WDFY4: variants seen among roughly 807,000 people sequenced by gnomAD.
WDFY4 encodes the protein WD repeat- and FYVE domain-containing protein 4.
WDFY4 carries 169 observed loss-of-function variants against 351.9 expected under a neutral mutation model. That is an observed-to-expected ratio of 0.48 (90% CI 0.42 to 0.55). WDFY4 has a LOEUF of 0.55. Ranked by LOEUF, WDFY4 falls within the 20% of genes least tolerant of loss-of-function variation. The pLI, the probability that WDFY4 is intolerant of heterozygous loss-of-function variation, is 0.00. For synonymous variants in WDFY4, 1,622 were observed against 1,574.6 expected, an observed-to-expected ratio of 1.03 and a Z score of -0.71; for missense variants, 3,803 against 3,935.6, an observed-to-expected ratio of 0.97 and a Z score of 0.90.
At chr10:48,909,909 T>A in intron 47 of WDFY4, 1 of 303,926 alleles carries the variant, frequency 3.3e-6, no homozygotes, top group South Asian at 5.3e-5. Context: ...CTGAGTGAAA[T>A]GTAGAGGCAG....
At chr10:48,790,663 G>A (rs556418884) in intron 22 of WDFY4, 64 bp from the exon 23 acceptor site, 14 of 1,512,946 alleles carry the variant, frequency 9.3e-6, no homozygotes, top group Admixed American at 6.1e-5. Flanking sequence ...CTGTGCTGTC[G>A]GGGAATTTCC....
chr10:48,971,731 A>AT (rs1442315078), intron 57 of WDFY4, among the ~76,000 whole-genome samples: 2 of 152,162 alleles, frequency 1.3e-5, no homozygotes, highest in Admixed American at 1.3e-4. Context: ...GAAGGAATGA[A>AT]TAGGGCAGTG....
At chr10:48,776,122 C>T (rs1432084311) in intron 15 of WDFY4, among the ~76,000 whole-genome samples, 1 of 152,126 alleles carries the variant, frequency 6.6e-6, no homozygotes, top group Non-Finnish European at 1.5e-5. Flanking sequence ...CAGAGGTGTG[C>T]AGGGAAGGCT....
chr10:48,810,652 C>T lies in WDFY4; in HGVS notation c.4961C>T (p.Pro1654Leu). ...LKLLLYFLAS[P>L]SLRTRFRDGL... The stretch of plus-strand genomic sequence containing the variant: ...CTGCTGCTGTACTTTCTGGCAAGCC[C>T]CTCCCTCCGCACACGGTTTAGAGAT... Residue 1654 changes from proline to leucine, a missense_variant, in exon 29 of 62, where the codon CCC becomes CTC. Physicochemically the swap from Pro to Leu is moderately conservative, Grantham distance 98. This residue lies in a region of WDFY4 where 3,054 missense variants were observed against 3,148.6 expected (regional missense o/e 0.97). Transcript: ENST00000325239. The T allele has an allele frequency of 6.4e-7, 1 of 1,551,722 alleles. No individual in the cohort carries two copies. Among genetic ancestry groups the T allele is most frequent in the South Asian group, 1.2e-5 (1 of 84,058 alleles).
Position 48,982,542 on chromosome 10 carries a change from GGGGAGAA to G in WDFY4, c.9523_9529del (p.Gly3175TyrfsTer71). ...CCAAACTCCTGGTTGGTGATGAGAG[GGGGAGAA>G]TATTCTGCTGGTCTGCAGATGGGTA... On this transcript the variant is annotated frameshift_variant, in exon 62 of 62. Coordinates refer to ENST00000325239, the MANE Select transcript of WDFY4 (RefSeq NM_001394531.1). LOFTEE classifies it high-confidence loss of function. 6.5e-7 allele frequency: 1 copy of G among 1,539,814 alleles called. No homozygotes were observed. Among genetic ancestry groups the G allele is most frequent in the Non-Finnish European group, 8.8e-7 (1 of 1,139,408 alleles).
intron 47 of WDFY4, chr10:48,914,105 C>T (rs1300564762): frequency 1.9e-6 from 3 of 1,614,184 alleles, no homozygotes; most frequent in Non-Finnish European, 2.5e-6. Flanking sequence ...AATTCCTGGC[C>T]ACCTTGAGGG....
intron 1 of WDFY4, among the ~76,000 whole-genome samples, chr10:48,693,468 C>T (rs757082118): frequency 6.6e-6 from 1 of 152,188 alleles, no homozygotes; most frequent in Non-Finnish European, 1.5e-5. Context: ...TGCCATCCTC[C>T]CACCTCCTTC....
chr10:48,741,301 TGTTAG>T (rs555940000), intron 11 of WDFY4, among the ~76,000 whole-genome samples: 18 of 151,902 alleles, frequency 1.2e-4, no homozygotes, highest in Non-Finnish European at 2.1e-4. Flanking sequence ...TAAACACCAC[TGTTAG>T]GTTAGGGTGC....
intron 57 of WDFY4, among the ~76,000 whole-genome samples, chr10:48,972,702 G>A (rs891521666): frequency 1.3e-5 from 2 of 152,252 alleles, no homozygotes; most frequent in South Asian, 2.1e-4. Context: ...GTTTTCTTGC[G>A]ATAAACTTCG....
intron 2 of WDFY4, among the ~76,000 whole-genome samples, chr10:48,711,693 G>C (rs942880639): frequency 3.3e-5 from 5 of 152,166 alleles, no homozygotes; most frequent in Non-Finnish European, 7.3e-5. Flanking sequence ...TGAAATATAG[G>C]AGTAAAGAAG....
Position 48,982,954 on chromosome 10 carries a change from G to A in WDFY4, c.*379G>A, listed in dbSNP as rs1842867166. On this transcript the variant is annotated 3_prime_UTR_variant, in exon 62 of 62. Transcript: ENST00000325239. ...TTATTAAAGCAACTATGTTTTAAAT[G>A]CAGAAGGGCTCTTCAGTTTTAAACT... is the stretch of plus-strand genomic sequence containing the variant. The A allele has an allele frequency of 5.7e-6, 2 of 349,982 alleles. No individual in the cohort carries two copies. The highest frequency in any genetic ancestry group is 1.1e-5 in the Non-Finnish European group (2 of 176,828). 21.7% of individuals were successfully genotyped at this position (349,982 alleles called of 1,614,324 possible). A position where few individuals can be genotyped will look rare whatever the true frequency, so the allele number is the denominator to read the frequency against.
chr10:48,814,466 C>T lies in WDFY4; in HGVS notation c.5340+384C>T, dbSNP rs145472873. 5.1e-4 allele frequency among the ~76,000 whole-genome samples: 77 copies of T among 152,244 alleles called. No homozygotes were observed. The East Asian group carries it at 0.014, about 28-fold the overall frequency. On this transcript the variant is annotated intron_variant, in intron 31 of 61. Coordinates refer to ENST00000325239, the MANE Select transcript of WDFY4 (RefSeq NM_001394531.1). ...ACCTGACTTAGAGAAGGCAGATGGC[C>T]GCCAGCTACAGGCAGGGCATGGAGT...
intron 12 of WDFY4, among the ~76,000 whole-genome samples, chr10:48,750,549 C>T (rs2065151115): frequency 6.6e-6 from 1 of 152,242 alleles, no homozygotes; most frequent in South Asian, 2.1e-4. Flanking sequence ...CCTGCCCATC[C>T]CCATCCCATG....
chr10:48,842,000 G>A (rs1355640767), intron 39 of WDFY4, among the ~76,000 whole-genome samples: 1 of 152,096 alleles, frequency 6.6e-6, no homozygotes, highest in Non-Finnish European at 1.5e-5. Context: ...CGGACCACTT[G>A]AGCATCAAGC....
chr10:48,929,580 C>G (rs1025610906), intron 47 of WDFY4, among the ~76,000 whole-genome samples: 2 of 152,238 alleles, frequency 1.3e-5, no homozygotes, highest in African/African-American at 4.8e-5. Context: ...TACACTCACT[C>G]TCCTGGTAAG....
chr10:48,953,327 TCTCTCTCACACA>T (rs1564525317), intron 51 of WDFY4, among the ~76,000 whole-genome samples: 3 of 118,898 alleles, frequency 2.5e-5, no homozygotes, highest in African/African-American at 9.5e-5. Flanking sequence ...TCTCTCTCTC[TCTCTCTCACACA>T]CACACACACA....
At chr10:48,805,623 T>A (rs1183190895) in intron 26 of WDFY4, among the ~76,000 whole-genome samples, 4 of 152,202 alleles carry the variant, frequency 2.6e-5, no homozygotes, top group African/African-American at 9.6e-5. Flanking sequence ...AGCAGGGCTG[T>A]GTGTTTACTG....
chr10:48,706,453 A>G (rs1565112508), intron 1 of WDFY4, among the ~76,000 whole-genome samples: 1 of 152,202 alleles, frequency 6.6e-6, no homozygotes, highest in Non-Finnish European at 1.5e-5. Flanking sequence ...ATGGAAACAT[A>G]CTTAGCTCCT....
At position 48,710,005 on chromosome 10, in the gene WDFY4, G is replaced by A. The variant is rs191929596; in HGVS notation, c.234+39G>A. ...TTTTTGAAACTGTAAGGTGATAGGC[G>A]CTCTGGGACACTTCTGGGATGATTG... On this transcript the variant is annotated intron_variant, in intron 2 of 61. Transcript: ENST00000325239. The A allele has an allele frequency of 1.2e-4, 182 of 1,497,270 alleles. 1 individual carries two copies. The highest frequency in any genetic ancestry group is 5.6e-4 in the African/African-American group (40 of 71,504). 92.7% of individuals were successfully genotyped at this position (1,497,270 alleles called of 1,614,324 possible).
Sources: gnomAD v4.1 joint callset for allele counts (sites outside exome capture counted in the v4.1 genomes callset) on GRCh38, gnomAD v4.1.1 for gene constraint, gnomAD v4.1.1 regional missense constraint, MANE v1.5 for transcripts, NCBI Gene and HGNC (gene_info 2026-07-23, HGNC 2026-07-21) for gene names.